CDH23: variants seen among roughly 807,000 people sequenced by gnomAD.
The protein encoded by CDH23 is cadherin related 23.
CDH23 carries 189 observed loss-of-function variants against 317.1 expected under a neutral mutation model. The observed-to-expected ratio is 0.60, with a 90% CI of 0.53 to 0.67. The LOEUF (loss-of-function observed/expected upper bound fraction) is 0.67, where lower values mean the gene tolerates loss of function less well. CDH23 is among the 30% of genes least tolerant of loss of function. The pLI, the probability that CDH23 is intolerant of heterozygous loss-of-function variation, is 0.00. For synonymous variants in CDH23, 1,839 were observed against 1,876.8 expected (o/e 0.98, Z 0.52); for missense variants, 4,401 against 4,592.4 (o/e 0.96, Z 1.20).
intron 55 of CDH23, among the ~76,000 whole-genome samples, chr10:71,804,542 T>G (rs1841652750): frequency 6.6e-6 from 1 of 152,178 alleles, no homozygotes; most frequent in South Asian, 2.1e-4. Context: ...CTGTCTCCTC[T>G]TTGAGGTCCT....
chr10:71,399,959 G>A (rs1310821153), intron 1 of CDH23, among the ~76,000 whole-genome samples: 1 of 152,028 alleles, frequency 6.6e-6, no homozygotes, highest in East Asian at 1.9e-4. Context: ...TCCCAGATGG[G>A]TGGATCAGCC....
chr10:71,679,723 C>T (rs750146470), intron 17 of CDH23, among the ~76,000 whole-genome samples: 2 of 152,216 alleles, frequency 1.3e-5, no homozygotes, highest in Non-Finnish European at 2.9e-5. Flanking sequence ...GGTTCTTAGG[C>T]CATGGCCAGC....
intron 14 of CDH23, among the ~76,000 whole-genome samples, chr10:71,672,882 G>A (rs1315598641): frequency 1.3e-5 from 2 of 152,028 alleles, no homozygotes; most frequent in Non-Finnish European, 2.9e-5. Flanking sequence ...TCATCCCCAG[G>A]GCTCAGATGT....
intron 3 of CDH23, among the ~76,000 whole-genome samples, chr10:71,464,111 G>C (rs559250344): frequency 6.6e-6 from 1 of 152,334 alleles, no homozygotes; most frequent in African/African-American, 2.4e-5. Flanking sequence ...TAGTGAATGG[G>C]AGTGGGACTG....
chr10:71,706,876 G>A (rs369995860), intron 25 of CDH23, 21 bp from the exon 26 acceptor site: 16 of 1,577,038 alleles, frequency 1.0e-5, no homozygotes, highest in East Asian at 2.3e-5. Flanking sequence ...GCCTAGCCCC[G>A]GCGCCCGTTC....
chr10:71,591,318 G>A (rs536071256), intron 9 of CDH23, among the ~76,000 whole-genome samples: 7 of 152,246 alleles, frequency 4.6e-5, no homozygotes, highest in African/African-American at 1.2e-4. Context: ...ACAAAGAGAC[G>A]GTTATTCCAT....
intron 14 of CDH23, chr10:71,646,902 G>A: frequency 1.4e-6 from 2 of 1,420,994 alleles, no homozygotes. Flanking sequence ...GTGAGGGTGG[G>A]CTGGGAGCCC....
intron 55 of CDH23, 83 bp downstream of exon 55, chr10:71,803,503 A>T: frequency 4.8e-6 from 6 of 1,237,830 alleles, no homozygotes; most frequent in African/African-American, 1.5e-5. Flanking sequence ...ACCCCACTCT[A>T]AAGGTGGGGA....
chr10:71,602,698 C>T (rs1220065507), intron 9 of CDH23, among the ~76,000 whole-genome samples: 2 of 152,158 alleles, frequency 1.3e-5, no homozygotes, highest in Non-Finnish European at 2.9e-5. Flanking sequence ...GTCATCCAGT[C>T]TGTGGCACTG....
At chr10:71,778,060 C>T in intron 39 of CDH23, 129 bp from the exon 40 acceptor site, 1 of 1,463,018 alleles carries the variant, frequency 6.8e-7, no homozygotes. Flanking sequence ...GGAGTGGAGC[C>T]TGGGCTAGGG....
chr10:71,429,798 C>T (rs1455254748), intron 1 of CDH23, among the ~76,000 whole-genome samples: 1 of 152,202 alleles, frequency 6.6e-6, no homozygotes, highest in African/African-American at 2.4e-5. Context: ...TTTAGAGACA[C>T]ATGCTGGTGG....
At chr10:71,592,553 G>A (rs942357095) in intron 9 of CDH23, among the ~76,000 whole-genome samples, 11 of 151,896 alleles carry the variant, frequency 7.2e-5, no homozygotes, top group African/African-American at 2.4e-4. Flanking sequence ...GTGTTGTTCC[G>A]ATCCCCTCTT....
chr10:71,730,723 C>G (rs1839348732), intron 31 of CDH23, 119 bp downstream of exon 31: 1 of 1,433,648 alleles, frequency 7.0e-7, no homozygotes, highest in Admixed American at 2.0e-5. Flanking sequence ...TTAGCCATGT[C>G]TAGGCCAGGG....
chr10:71,777,185 C>T (rs75447790), intron 38 of CDH23, among the ~76,000 whole-genome samples: 10,355 of 152,320 alleles, frequency 0.068, 475 homozygotes, highest in Non-Finnish European at 0.096. Context: ...ATATGTATTT[C>T]TTTCATTTAC....
rs1020548912 is a variant in CDH23 at position 71,557,984 on chromosome 10, CT to C, written c.430-8750del. On this transcript the variant is annotated intron_variant, in intron 6 of 69. Coordinates refer to ENST00000224721, the MANE Select transcript of CDH23 (RefSeq NM_022124.6). ...GATGATTTCTTCCTCTTCATTTACTCTTTTTTTTAACTTATTTATTTATTTA... is the reference window on the plus strand; with the variant it reads ...GATGATTTCTTCCTCTTCATTTACTCTTTTTTTAACTTATTTATTTATTTA... 3.2e-5 allele frequency among the ~76,000 whole-genome samples: 4 copies of C among 124,936 alleles called. No individual in the cohort carries two copies. In the Admixed American group the frequency reaches 3.3e-4, roughly 10 times the overall value. The allele number at this position is 124,936 out of a possible 152,430, so 82.0% of individuals were successfully genotyped here. A position where few individuals can be genotyped will look rare whatever the true frequency, so the allele number is the denominator to read the frequency against.
chr10:71,717,741 G>T (rs1223569925), intron 28 of CDH23: 2 of 152,262 alleles, frequency 1.3e-5, no homozygotes, highest in Admixed American at 1.3e-4. Flanking sequence ...AGTGTGGTCA[G>T]CTCTGTCAGT....
At chr10:71,404,178 G>A (rs1048374747) in intron 1 of CDH23, among the ~76,000 whole-genome samples, 1 of 152,180 alleles carries the variant, frequency 6.6e-6, no homozygotes, top group Admixed American at 6.5e-5. Context: ...GTGAATTTTC[G>A]CATATATATA....
rs1344774219 is a variant in CDH23 at position 71,510,940 on chromosome 10, C to T, written c.289-14C>T. On this transcript the variant is annotated splice_polypyrimidine_tract_variant and intron_variant, in intron 4 of 69. Transcript: ENST00000224721. ...CGCCTAACTGCCCCCCTCCCTCTCT[C>T]ACTTTTCTTTCAGACCAAGTCAGAG... 1.9e-6 allele frequency: 3 copies of T among 1,613,816 alleles called. No homozygotes were observed. The highest frequency in any genetic ancestry group is 2.5e-6 in the Non-Finnish European group (3 of 1,179,850).
chr10:71,744,346 G>T (rs1006057759), intron 38 of CDH23, among the ~76,000 whole-genome samples: 1 of 152,060 alleles, frequency 6.6e-6, no homozygotes, highest in Admixed American at 6.5e-5. Flanking sequence ...GGAGACCATC[G>T]GTGGAATCCA....
Sources: gnomAD v4.1 joint callset for allele counts (sites outside exome capture counted in the v4.1 genomes callset) on GRCh38, gnomAD v4.1.1 for gene constraint, MANE v1.5 for transcripts, NCBI Gene and HGNC (gene_info 2026-07-23, HGNC 2026-07-21) for gene names.